Variants in MARCO observed in about 807,000 individuals in gnomAD.
MARCO encodes macrophage receptor MARCO.
A neutral mutation model predicts 70.0 loss-of-function variants in MARCO; 72 were observed. The ratio of observed to expected loss-of-function variants is 1.03; its 90% CI spans 0.85 to 1.25. MARCO has a LOEUF of 1.25. Ranked by LOEUF, MARCO falls within the 50% of genes most tolerant of loss-of-function variation. The pLI, the probability that MARCO is intolerant of heterozygous loss-of-function variation, is 0.00. For missense variants in MARCO, 696 were observed against 659.3 expected, an observed-to-expected ratio of 1.06 and a Z score of -0.61; for synonymous variants, 273 against 243.1, an observed-to-expected ratio of 1.12 and a Z score of -1.14.
chr2:118,966,086 T>A (rs1232601551), intron 1 of MARCO, among the ~76,000 whole-genome samples: 1 of 152,172 alleles, frequency 6.6e-6, no homozygotes, highest in Non-Finnish European at 1.5e-5. Flanking sequence ...GAGGACACCC[T>A]ACCAGCACTG....
chr2:118,992,140 T>C (rs1680634596), intron 14 of MARCO, among the ~76,000 whole-genome samples: 1 of 152,156 alleles, frequency 6.6e-6, no homozygotes, highest in South Asian at 2.1e-4. Flanking sequence ...CCAACACTCC[T>C]AGGCAGTTTC....
At position 118,942,345 on chromosome 2, in the gene MARCO, G is replaced by C; in HGVS notation, c.45G>C (p.Glu15Asp). Reference protein sequence around the residue: ...KILKEDELLSETQQAAFHQIA... With the variant: ...KILKEDELLSDTQQAAFHQIA... ...TCAAGGAGGACGAGCTCTTGAGTGA[G>C]ACCCAACAAGCTGCTTTTCACCAAA... The change falls in exon 1 of 17, where the codon GAG (glutamate) becomes GAC (aspartate). Residue 15 changes from glutamate (E) to aspartate (D), a missense_variant. Physicochemically the swap from Glu to Asp is conservative, Grantham distance 45 (BLOSUM62 2). Transcript: ENST00000327097. 6.2e-7 allele frequency: 1 copy of C among 1,613,878 alleles called. No homozygotes were observed. Among genetic ancestry groups the C allele is most frequent in the Non-Finnish European group, 8.5e-7 (1 of 1,179,858 alleles).
chr2:118,990,557 C>A, intron 12 of MARCO, 32 bp from the exon 13 acceptor site: 1 of 1,557,386 alleles, frequency 6.4e-7, no homozygotes, highest in Non-Finnish European at 8.7e-7. Context: ...TTTATTATCT[C>A]CTCCCCCCCC....
chr2:118,990,750 G>T (rs1680606451), intron 13 of MARCO, 117 bp downstream of exon 13: 2 of 990,726 alleles, frequency 2.0e-6, no homozygotes, highest in African/African-American at 1.6e-5. Context: ...CAAAGTGGAG[G>T]TTAAGACTCC....
At chr2:118,986,697 G>GA (rs377378761) in intron 12 of MARCO, among the ~76,000 whole-genome samples, 2 of 73,828 alleles carry the variant, frequency 2.7e-5, no homozygotes, top group Non-Finnish European at 5.4e-5. Flanking sequence ...AAGAAAGAAA[G>GA]AAAGAAAGAA....
chr2:118,982,301 A>C (rs750064958), intron 11 of MARCO, 47 bp downstream of exon 11: 1 of 1,610,880 alleles, frequency 6.2e-7, no homozygotes, highest in East Asian at 2.2e-5. Flanking sequence ...ATGTGTGAAA[A>C]CCTGCCTAGT....
intron 12 of MARCO, among the ~76,000 whole-genome samples, chr2:118,986,640 AG>A (rs1680497561): frequency 2.3e-5 from 1 of 42,964 alleles, no homozygotes. Flanking sequence ...AAAGAAAGAA[AG>A]AAAGAAAGAA....
At chr2:118,950,993 A>C (rs1291031744) in intron 1 of MARCO, among the ~76,000 whole-genome samples, 2 of 152,224 alleles carry the variant, frequency 1.3e-5, no homozygotes, top group Non-Finnish European at 2.9e-5. Flanking sequence ...TATTAATAAG[A>C]CCTAATTTAG....
At chr2:118,967,811 C>T (rs558997803) in intron 1 of MARCO, among the ~76,000 whole-genome samples, 1 of 152,260 alleles carries the variant, frequency 6.6e-6, no homozygotes, top group South Asian at 2.1e-4. Context: ...AACCCACCTG[C>T]CCCTATCACA....
chr2:118,970,784 C>T (rs796128717), intron 3 of MARCO, among the ~76,000 whole-genome samples: 1 of 152,204 alleles, frequency 6.6e-6, no homozygotes, highest in Non-Finnish European at 1.5e-5. Context: ...CAGGGCCTTG[C>T]AGCTGCACCC....
At chr2:118,972,828 G>A (rs374899482) in intron 4 of MARCO, among the ~76,000 whole-genome samples, 25 of 152,150 alleles carry the variant, frequency 1.6e-4, no homozygotes, top group Non-Finnish European at 3.5e-4. Context: ...CAGAATCAAT[G>A]CTTAAACTTC....
Position 118,990,507 on chromosome 2 carries a change from G to A in MARCO, c.1064-82G>A, listed in dbSNP as rs1680599809. 11 of 1,343,892 alleles carry A rather than the reference G, an allele frequency of 8.2e-6. No individual in the cohort carries two copies. The South Asian group carries it at 1.3e-4, about 16-fold the overall frequency. 83.2% of individuals were successfully genotyped at this position (1,343,892 alleles called of 1,614,324 possible). ...TCCATCTGCATTAATCAGACAAAAG[G>A]TAGAGGTTGTCTAAGATTAAAAATG... On this transcript the variant is annotated intron_variant, in intron 12 of 16. Transcript: ENST00000327097.
chr2:118,977,076 A>T (rs1406168914), intron 6 of MARCO, among the ~76,000 whole-genome samples: 1 of 152,220 alleles, frequency 6.6e-6, no homozygotes, highest in Admixed American at 6.5e-5. Flanking sequence ...GTCTCACAAG[A>T]GCAGGAACTC....
At chr2:118,978,295 C>T (rs752042612) in intron 8 of MARCO, among the ~76,000 whole-genome samples, 12 of 152,188 alleles carry the variant, frequency 7.9e-5, no homozygotes, top group Non-Finnish European at 1.8e-4. Flanking sequence ...AGACCCCAGG[C>T]AGCCAGAATC....
At chr2:118,954,180 A>C (rs988309484) in intron 1 of MARCO, among the ~76,000 whole-genome samples, 12 of 152,162 alleles carry the variant, frequency 7.9e-5, no homozygotes, top group African/African-American at 2.9e-4. Context: ...GCAAGTTTTC[A>C]AGGCTGTCTC....
rs371073450 is a variant in MARCO at position 118,974,324 on chromosome 2, C to T, written c.461-9C>T. ...CTGACTCATTAGTGTCTCTGTTCCT[C>T]TTCCTCAGGTCTTCAAGGTCACAAG... is the stretch of plus-strand genomic sequence containing the variant. On this transcript the variant is annotated splice_polypyrimidine_tract_variant and intron_variant, in intron 4 of 16. Coordinates refer to ENST00000327097, the MANE Select transcript of MARCO (RefSeq NM_006770.4). 1.9e-6 allele frequency: 3 copies of T among 1,561,206 alleles called. No individual in the cohort carries two copies. In the African/African-American group the frequency reaches 4.1e-5, roughly 21 times the overall value.
intron 1 of MARCO, among the ~76,000 whole-genome samples, chr2:118,944,447 T>G (rs1427338370): frequency 6.6e-6 from 1 of 152,174 alleles, no homozygotes; most frequent in Non-Finnish European, 1.5e-5. Flanking sequence ...TGCACATTAC[T>G]TATTTTTTGT....
intron 1 of MARCO, among the ~76,000 whole-genome samples, chr2:118,961,562 GGTT>G (rs1479165847): frequency 6.6e-6 from 1 of 151,956 alleles, no homozygotes; most frequent in African/African-American, 2.4e-5. Context: ...TTTTTAATGA[GGTT>G]GTTTTTTTTT....
chr2:118,957,886 T>G (rs1238599864), intron 1 of MARCO, among the ~76,000 whole-genome samples: 1 of 151,784 alleles, frequency 6.6e-6, no homozygotes, highest in African/African-American at 2.4e-5. Context: ...ATAAACAGAA[T>G]TAAAAACAAA....
Sources: gnomAD v4.1 joint callset for allele counts (sites outside exome capture counted in the v4.1 genomes callset) on GRCh38, gnomAD v4.1.1 for gene constraint, MANE v1.5 for transcripts, NCBI Gene and HGNC (gene_info 2026-07-23, HGNC 2026-07-21) for gene names.